The following IGFL2 variants were observed in gnomAD, a reference collection of about 807,000 sequenced individuals.
The protein encoded by IGFL2 is insulin growth factor-like family member 2.
A neutral mutation model predicts 13.9 loss-of-function variants in IGFL2; 7 were observed. The observed-to-expected ratio is 0.51, with a 90% confidence interval of 0.29 to 0.95. IGFL2 has a LOEUF of 0.95. Ranked by LOEUF, IGFL2 falls within the 40% of genes least tolerant of loss-of-function variation. The pLI, the probability that IGFL2 is intolerant of heterozygous loss-of-function variation, is 0.08. For synonymous variants in IGFL2, 55 were observed against 55.8 expected, an observed-to-expected ratio of 0.99 and a Z score of 0.07; for missense variants, 138 against 147.8, an observed-to-expected ratio of 0.93 and a Z score of 0.34.
At chr19:46,211,401 A>AT in the IGFL2 span, among the ~76,000 whole-genome samples, 1 of 152,138 alleles carries the variant, frequency 6.6e-6, no homozygotes, top group East Asian at 1.9e-4. Flanking sequence ...CATACCTGAC[A>AT]TACCTGCACA....
chr19:46,163,687 A>G (rs892682552), downstream of IGFL2, among the ~76,000 whole-genome samples: 1 of 152,164 alleles, frequency 6.6e-6, no homozygotes, highest in South Asian at 2.1e-4. Context: ...CTGAGTTGCT[A>G]CTGGCTTCAT....
chr19:46,081,689 GTTC>G, the IGFL2 span, among the ~76,000 whole-genome samples: 4,882 of 152,276 alleles, frequency 0.032, 114 homozygotes, highest in East Asian at 0.071. Context: ...CCTCTGCACA[GTTC>G]TTCTTTGATA....
chr19:46,139,530 T>A (rs1191884551), upstream of IGFL2, among the ~76,000 whole-genome samples: 2 of 151,968 alleles, frequency 1.3e-5, no homozygotes, highest in Non-Finnish European at 2.9e-5. Context: ...TGTAGCTAAG[T>A]GAATACCAAG....
the IGFL2 span, among the ~76,000 whole-genome samples, chr19:46,107,294 C>G: frequency 1.3e-5 from 2 of 152,156 alleles, no homozygotes; most frequent in South Asian, 2.1e-4. Context: ...CCAAGGTGAT[C>G]GGGCAGCGTC....
chr19:46,098,842 A>T, the IGFL2 span, among the ~76,000 whole-genome samples: 3 of 152,100 alleles, frequency 2.0e-5, no homozygotes, highest in African/African-American at 7.2e-5. Flanking sequence ...TAATATTGTT[A>T]TGTGTGTTTG....
chr19:46,185,556 C>T, the IGFL2 span, among the ~76,000 whole-genome samples: 4 of 152,272 alleles, frequency 2.6e-5, no homozygotes, highest in Non-Finnish European at 5.9e-5. Context: ...AGTCACACAG[C>T]GTGGTCAGAG....
chr19:46,140,265 A>C (rs930408651), upstream of IGFL2, among the ~76,000 whole-genome samples: 2 of 137,608 alleles, frequency 1.5e-5, no homozygotes. Context: ...ATATATATAT[A>C]TATCTCAAAA....
At chr19:46,113,303 G>A in the IGFL2 span, 1 of 275,282 alleles carries the variant, frequency 3.6e-6, no homozygotes, top group Admixed American at 4.8e-5. Context: ...GCACTTTCCT[G>A]GTATGCCATT....
At chr19:46,186,438 T>C in the IGFL2 span, among the ~76,000 whole-genome samples, 1 of 152,200 alleles carries the variant, frequency 6.6e-6, no homozygotes, top group African/African-American at 2.4e-5. Flanking sequence ...CAGGCTCTTA[T>C]CGGTGTTGAC....
At chr19:46,100,791 T>A in the IGFL2 span, among the ~76,000 whole-genome samples, 1 of 152,342 alleles carries the variant, frequency 6.6e-6, no homozygotes, top group East Asian at 1.9e-4. Flanking sequence ...TTTAGCCAGA[T>A]GCATTTGGGG....
chr19:46,145,990 T>G (rs1011122730), upstream of IGFL2, among the ~76,000 whole-genome samples: 2 of 152,208 alleles, frequency 1.3e-5, no homozygotes, highest in Admixed American at 1.3e-4. Flanking sequence ...AAAATTTTGA[T>G]AAGTCCAATC....
At chr19:46,210,829 C>T in the IGFL2 span, among the ~76,000 whole-genome samples, 1 of 152,218 alleles carries the variant, frequency 6.6e-6, no homozygotes, top group African/African-American at 2.4e-5. Flanking sequence ...TCAATCCAAT[C>T]AAGTTGACAC....
upstream of IGFL2, among the ~76,000 whole-genome samples, chr19:46,142,104 C>T (rs1972885964): frequency 6.6e-6 from 1 of 152,134 alleles, no homozygotes; most frequent in African/African-American, 2.4e-5. Context: ...ATTTACTTAA[C>T]CTCTCTGAGC....
intron 1 of IGFL2, chr19:46,158,985 T>C (rs1035493578): frequency 6.6e-6 from 1 of 152,198 alleles, no homozygotes; most frequent in Non-Finnish European, 1.5e-5. Context: ...GTGATTTTGT[T>C]TATCTGGGCT....
At chr19:46,157,809 C>T (rs540106758) in intron 1 of IGFL2, among the ~76,000 whole-genome samples, 11 of 152,250 alleles carry the variant, frequency 7.2e-5, no homozygotes, top group Admixed American at 5.2e-4. Context: ...AAAAGAATTA[C>T]AATTTATACA....
the IGFL2 span, among the ~76,000 whole-genome samples, chr19:46,131,096 G>A: frequency 6.6e-5 from 10 of 152,120 alleles, no homozygotes; most frequent in Non-Finnish European, 1.5e-4. Context: ...AAGATGTGAT[G>A]CTGAGTCTAA....
the IGFL2 span, chr19:46,214,185 C>T: frequency 6.6e-6 from 1 of 152,296 alleles, no homozygotes; most frequent in Non-Finnish European, 1.5e-5. Flanking sequence ...GAAACACAGA[C>T]CGCACCTTAC....
At chr19:46,187,048 A>G in the IGFL2 span, among the ~76,000 whole-genome samples, 1 of 152,272 alleles carries the variant, frequency 6.6e-6, no homozygotes, top group African/African-American at 2.4e-5. Context: ...ACTTGCTTAT[A>G]GGGAGACCAG....
chr19:46,081,088 C>T, the IGFL2 span, among the ~76,000 whole-genome samples: 1 of 152,188 alleles, frequency 6.6e-6, no homozygotes, highest in Non-Finnish European at 1.5e-5. Context: ...GCCAGGCTTC[C>T]CACACAACTA....
Sources: allele counts gnomAD v4.1 joint callset (sites outside exome capture counted in the v4.1 genomes callset), GRCh38; gene constraint gnomAD v4.1.1; transcripts MANE v1.5; gene names NCBI Gene and HGNC (gene_info 2026-07-23, HGNC 2026-07-21).